The following CALCR variants were observed in gnomAD, a reference collection of about 807,000 sequenced individuals.
CALCR encodes the protein calcitonin receptor.
A neutral mutation model predicts 59.5 loss-of-function variants in CALCR; 47 were observed. That is an observed-to-expected ratio of 0.79 (90% CI 0.63 to 1.01). The LOEUF is 1.01. Among genes scored for constraint, CALCR ranks in the 50% least tolerant of loss-of-function variants. The probability of loss-of-function intolerance (pLI) is 0.00; values close to 1 mark genes in which losing one functional copy is unlikely to be tolerated. For synonymous variants in CALCR, 213 were observed against 211.3 expected, an observed-to-expected ratio of 1.01 and a Z score of -0.07; for missense variants, 566 against 597.1, an observed-to-expected ratio of 0.95 and a Z score of 0.54.
intron 2 of CALCR, among the ~76,000 whole-genome samples, chr7:93,537,404 G>A (rs938807752): frequency 2.0e-5 from 3 of 151,644 alleles, no homozygotes; most frequent in Admixed American, 2.0e-4. Context: ...ACAAATATTG[G>A]TGGCTGAAAT....
At chr7:93,539,835 T>C (rs1789084919) in intron 2 of CALCR, among the ~76,000 whole-genome samples, 1 of 152,136 alleles carries the variant, frequency 6.6e-6, no homozygotes, top group East Asian at 1.9e-4. Flanking sequence ...AAAGAAGCAG[T>C]TCACGCCTTT....
chr7:93,557,006 C>T (rs12670112), intron 2 of CALCR, among the ~76,000 whole-genome samples: 13,295 of 152,044 alleles, frequency 0.087, 656 homozygotes, highest in African/African-American at 0.1. Flanking sequence ...ATTAGTGAGG[C>T]TAAATGTCTT....
intron 2 of CALCR, among the ~76,000 whole-genome samples, chr7:93,525,626 G>A (rs1215287886): frequency 6.6e-6 from 1 of 152,154 alleles, no homozygotes; most frequent in Admixed American, 6.6e-5. Flanking sequence ...CTGAGATCAA[G>A]GATGGAGAGT....
At chr7:93,567,599 G>A (rs981742815) in intron 2 of CALCR, among the ~76,000 whole-genome samples, 1 of 151,622 alleles carries the variant, frequency 6.6e-6, no homozygotes, top group Non-Finnish European at 1.5e-5. Flanking sequence ...CGTGCACAAC[G>A]TGCAGGTTTG....
intron 2 of CALCR, among the ~76,000 whole-genome samples, chr7:93,550,518 T>C (rs1789422002): frequency 7.0e-6 from 1 of 143,634 alleles, no homozygotes; most frequent in African/African-American, 2.6e-5. Context: ...AAAAAAAGTC[T>C]TGTCAATTTG....
intron 2 of CALCR, among the ~76,000 whole-genome samples, chr7:93,491,636 A>G (rs1322341537): frequency 6.6e-6 from 1 of 152,080 alleles, no homozygotes; most frequent in Non-Finnish European, 1.5e-5. Flanking sequence ...TACACAGCCA[A>G]CAAACATGAA....
chr7:93,466,215 G>A (rs1358569740), intron 7 of CALCR, among the ~76,000 whole-genome samples: 1 of 151,784 alleles, frequency 6.6e-6, no homozygotes, highest in Non-Finnish European at 1.5e-5. Flanking sequence ...TCCCATTTAA[G>A]TGCATAAATT....
intron 2 of CALCR, among the ~76,000 whole-genome samples, chr7:93,515,910 A>G (rs755207402): frequency 1.5e-4 from 23 of 152,046 alleles, no homozygotes; most frequent in Non-Finnish European, 2.9e-4. Context: ...AGACTGATAT[A>G]TTGTAAAAAT....
intron 13 of CALCR, 118 bp from the exon 14 acceptor site, chr7:93,426,707 T>TC (rs1799539003): frequency 1.6e-6 from 1 of 614,196 alleles, no homozygotes; most frequent in South Asian, 2.2e-5. Context: ...GTAATTCTGA[T>TC]CTAAAGGGCT....
intron 11 of CALCR, among the ~76,000 whole-genome samples, chr7:93,436,735 G>A (rs182476814): frequency 6.6e-6 from 1 of 152,028 alleles, no homozygotes; most frequent in East Asian, 1.9e-4. Flanking sequence ...TGTCTTTTTG[G>A]GGGGCCTCTA....
At chr7:93,489,624 A>G (rs920571952) in intron 2 of CALCR, among the ~76,000 whole-genome samples, 1 of 152,012 alleles carries the variant, frequency 6.6e-6, no homozygotes, top group African/African-American at 2.4e-5. Context: ...ACCATCAGAG[A>G]ATACTGTAAA....
intron 2 of CALCR, among the ~76,000 whole-genome samples, chr7:93,546,102 G>A (rs1789278309): frequency 6.6e-6 from 1 of 152,054 alleles, no homozygotes; most frequent in African/African-American, 2.4e-5. Context: ...GGCAATATTA[G>A]TATTTTATTA....
At chr7:93,529,657 A>G (rs888975410) in intron 2 of CALCR, among the ~76,000 whole-genome samples, 1 of 152,122 alleles carries the variant, frequency 6.6e-6, no homozygotes, top group African/African-American at 2.4e-5. Flanking sequence ...TCATATTTGG[A>G]TATCTTGTAT....
At chr7:93,468,927 CA>C in intron 6 of CALCR, 121 bp from the exon 7 acceptor site, 1 of 480,324 alleles carries the variant, frequency 2.1e-6, no homozygotes, top group Non-Finnish European at 3.6e-6. Flanking sequence ...AAACCTACTA[CA>C]ATTATAACAA....
chr7:93,504,688 T>A (rs1021354065), intron 2 of CALCR, among the ~76,000 whole-genome samples: 12 of 152,186 alleles, frequency 7.9e-5, no homozygotes, highest in Non-Finnish European at 1.5e-4. Flanking sequence ...TGTATTTTTT[T>A]AATTTAGTAC....
chr7:93,483,864 A>G, intron 3 of CALCR: 3 of 405,186 alleles, frequency 7.4e-6, no homozygotes, highest in Non-Finnish European at 1.6e-5. Flanking sequence ...CAGTTTTCAA[A>G]GCTTTGCATA....
intron 11 of CALCR, 59 bp downstream of exon 11, chr7:93,438,001 A>T: frequency 1.5e-6 from 2 of 1,305,768 alleles, no homozygotes; most frequent in Non-Finnish European, 2.2e-6. Context: ...AACTATATAC[A>T]CAGAAATCTC....
chr7:93,425,245 C>A lies in CALCR; in HGVS notation c.*1111G>T, dbSNP rs1799500153. The A allele has an allele frequency of 6.6e-6, 1 of 152,568 alleles. No homozygotes were observed. The highest frequency in any genetic ancestry group is 2.4e-5 in the African/African-American group (1 of 41,446). The allele number at this position is 152,568 out of a possible 1,614,324, so 9.5% of individuals were successfully genotyped here. A position where few individuals can be genotyped will look rare whatever the true frequency, so the allele number is the denominator to read the frequency against. On this transcript the variant is annotated 3_prime_UTR_variant, in exon 14 of 14. Coordinates refer to ENST00000426151, the MANE Select transcript of CALCR (RefSeq NM_001742.4). ...TTGGAGCAGTTAATTTTTTCCCCTC[C>A]TGTTTTGGTAATAACAAGAAACAAG... is the stretch of plus-strand genomic sequence containing the variant.
chr7:93,535,279 G>A (rs1286238858), intron 2 of CALCR, among the ~76,000 whole-genome samples: 1 of 151,584 alleles, frequency 6.6e-6, no homozygotes, highest in East Asian at 1.9e-4. Flanking sequence ...ATGAGACATA[G>A]GTAATTACAC....
Sources: allele counts gnomAD v4.1 joint callset (sites outside exome capture counted in the v4.1 genomes callset), GRCh38; gene constraint gnomAD v4.1.1; transcripts MANE v1.5; gene names NCBI Gene and HGNC (gene_info 2026-07-23, HGNC 2026-07-21).